Variants in CA10 observed in about 807,000 individuals in gnomAD.
CA10 encodes the protein carbonic anhydrase-related protein 10.
In CA10, 14 loss-of-function variants were observed where a neutral mutation model predicts 44.2. That is an observed-to-expected ratio of 0.32 (90% CI 0.21 to 0.50). The LOEUF (loss-of-function observed/expected upper bound fraction) is 0.50, where lower values mean the gene tolerates loss of function less well. Among genes scored for constraint, CA10 ranks in the 20% least tolerant of loss-of-function variants. The pLI is 0.99. For missense variants in CA10, 350 were observed against 409.7 expected, an observed-to-expected ratio of 0.85 and a Z score of 1.26; for synonymous variants, 159 against 141.6, an observed-to-expected ratio of 1.12 and a Z score of -0.87.
At chr17:51,937,257 T>C (rs1982901928) in intron 2 of CA10, among the ~76,000 whole-genome samples, 1 of 152,188 alleles carries the variant, frequency 6.6e-6, no homozygotes, top group African/African-American at 2.4e-5. Context: ...CTCATATCTT[T>C]CCCTTGCTCT....
In CA10 at chr17:51,757,316, T is replaced by C. The variant is rs567055128; in HGVS notation, c.280-9498A>G. Among the ~76,000 whole-genome samples, 6 of 152,248 alleles carry C rather than the reference T, an allele frequency of 3.9e-5. No homozygotes were observed. The East Asian group carries it at 1.2e-3, about 29-fold the overall frequency. ...AGTACCAAAAACTGGAGTCAAATCA[T>C]TGGCTTCAGTGCAGCATAGCAGACA... On this transcript the variant is annotated intron_variant, in intron 3 of 8. Coordinates refer to ENST00000451037, the MANE Select transcript of CA10 (RefSeq NM_020178.5).
chr17:52,006,368 T>G (rs914017564), intron 2 of CA10, among the ~76,000 whole-genome samples: 1 of 151,956 alleles, frequency 6.6e-6, no homozygotes, highest in East Asian at 1.9e-4. Flanking sequence ...CAATAAAAAT[T>G]TCATAAAATT....
intron 3 of CA10, among the ~76,000 whole-genome samples, chr17:51,885,238 C>G (rs1980546387): frequency 2.0e-5 from 3 of 152,074 alleles, no homozygotes; most frequent in African/African-American, 7.2e-5. Flanking sequence ...GGGTGGGATG[C>G]AACCCATAAA....
At chr17:51,770,890 C>A (rs1320879307) in intron 3 of CA10, among the ~76,000 whole-genome samples, 1 of 151,888 alleles carries the variant, frequency 6.6e-6, no homozygotes, top group South Asian at 2.1e-4. Context: ...CTTTGGGAGG[C>A]TGAGGCAGGC....
At chr17:52,072,675 C>CCA (rs540710346) in intron 1 of CA10, among the ~76,000 whole-genome samples, 3 of 63,334 alleles carry the variant, frequency 4.7e-5, no homozygotes, top group Admixed American at 1.9e-4. Flanking sequence ...ATCATCTTCC[C>CCA]CATACACACA....
At chr17:51,822,422 CAA>C (rs1567851377) in intron 3 of CA10, among the ~76,000 whole-genome samples, 5 of 150,430 alleles carry the variant, frequency 3.3e-5, no homozygotes, top group African/African-American at 1.2e-4. Context: ...CTCAAAAAAA[CAA>C]AACAAAAACA....
rs369078168 is a variant in CA10, at chr17:52,157,531, C to CG, written c.61+194_61+195insC. 8.2e-5 allele frequency among the ~76,000 whole-genome samples: 12 copies of CG among 146,078 alleles called. 1 individual carries two copies. In the East Asian group the frequency reaches 1.4e-3, roughly 17 times the overall value. On this transcript the variant is annotated intron_variant, in intron 1 of 8. Coordinates refer to ENST00000451037, the MANE Select transcript of CA10 (RefSeq NM_020178.5). Reference sequence around the variant, plus strand: ...AGGACTGCACACAGATCCTAACCACCCCCCCCCGCAAAACACACACATTCA... The same window carrying CG: ...AGGACTGCACACAGATCCTAACCACCGCCCCCCCGCAAAACACACACATTCA...
chr17:52,143,582 G>A (rs1188302589), intron 1 of CA10, among the ~76,000 whole-genome samples: 1 of 152,088 alleles, frequency 6.6e-6, no homozygotes, highest in Non-Finnish European at 1.5e-5. Context: ...ATGCCCAAAT[G>A]CAAAAAGTGA....
intron 3 of CA10, among the ~76,000 whole-genome samples, chr17:51,793,713 G>C (rs1210310044): frequency 2.0e-5 from 3 of 152,202 alleles, no homozygotes; most frequent in African/African-American, 7.2e-5. Flanking sequence ...GACCCACATG[G>C]TATCTGTAGA....
intron 2 of CA10, among the ~76,000 whole-genome samples, chr17:51,989,962 A>G (rs1313282363): frequency 6.6e-6 from 1 of 152,132 alleles, no homozygotes; most frequent in African/African-American, 2.4e-5. Flanking sequence ...CAGAAGCACT[A>G]ATAGATTATG....
chr17:51,698,878 C>T (rs187049317), intron 4 of CA10, among the ~76,000 whole-genome samples: 1 of 152,316 alleles, frequency 6.6e-6, no homozygotes, highest in East Asian at 1.9e-4. Context: ...TTGCAAATGG[C>T]AGGATTTCCT....
intron 3 of CA10, among the ~76,000 whole-genome samples, chr17:51,816,274 T>TAC (rs1315954545): frequency 6.6e-6 from 1 of 152,252 alleles, no homozygotes; most frequent in African/African-American, 2.4e-5. Flanking sequence ...TGAATAGTAC[T>TAC]ACACTATGTA....
At chr17:52,018,447 A>G (rs1378517791) in intron 2 of CA10, among the ~76,000 whole-genome samples, 2 of 152,116 alleles carry the variant, frequency 1.3e-5, no homozygotes, top group African/African-American at 4.8e-5. Context: ...GCAGAGCCAA[A>G]GGAGATTATG....
chr17:51,722,403 C>T (rs1201024025), intron 4 of CA10, among the ~76,000 whole-genome samples: 1 of 152,158 alleles, frequency 6.6e-6, no homozygotes, highest in Middle Eastern at 3.2e-3. Context: ...TGACATTTTA[C>T]CCTTAAGAAG....
chr17:52,126,092 T>C lies in CA10; in HGVS notation c.61+31634A>G, dbSNP rs181166350. On this transcript the variant is annotated intron_variant, in intron 1 of 8. Transcript: ENST00000451037. ...CAGATTAAAAAAAGATAATCACATATACAATGTAATATATACTAGTGGTAA... is the reference window on the plus strand; with the variant it reads ...CAGATTAAAAAAAGATAATCACATACACAATGTAATATATACTAGTGGTAA... Among the ~76,000 whole-genome samples, 332 of 152,324 alleles carry C rather than the reference T, an allele frequency of 2.2e-3. 1 individual carries two copies. Among genetic ancestry groups the C allele is most frequent in the African/African-American group, 7.6e-3 (317 of 41,572 alleles).
At chr17:51,729,619 C>T (rs539549762) in intron 4 of CA10, among the ~76,000 whole-genome samples, 4 of 152,300 alleles carry the variant, frequency 2.6e-5, no homozygotes, top group African/African-American at 4.8e-5. Flanking sequence ...CTTTGCTCCA[C>T]GCTTTAGACA....
At chr17:51,696,373 T>A (rs997851428) in intron 4 of CA10, among the ~76,000 whole-genome samples, 2 of 152,190 alleles carry the variant, frequency 1.3e-5, no homozygotes, top group Non-Finnish European at 2.9e-5. Context: ...GGGTTTCCGT[T>A]TAATCTTGGG....
chr17:51,833,274 C>T (rs767543277), intron 3 of CA10, among the ~76,000 whole-genome samples: 4 of 152,160 alleles, frequency 2.6e-5, no homozygotes, highest in Non-Finnish European at 4.4e-5. Context: ...TGTCACCACC[C>T]TGGAGGCCAG....
chr17:51,797,116 A>T (rs1398619817), intron 3 of CA10, among the ~76,000 whole-genome samples: 1 of 152,228 alleles, frequency 6.6e-6, no homozygotes, highest in African/African-American at 2.4e-5. Context: ...GCACAGCTCC[A>T]GAGTGCATCT....
Sources: gnomAD v4.1 joint callset for allele counts (sites outside exome capture counted in the v4.1 genomes callset) on GRCh38, gnomAD v4.1.1 for gene constraint, MANE v1.5 for transcripts, NCBI Gene and HGNC (gene_info 2026-07-23, HGNC 2026-07-21) for gene names.